The following PLCE1 variants were observed in gnomAD, a reference collection of about 807,000 sequenced individuals.
PLCE1 encodes the protein 1-phosphatidylinositol 4,5-bisphosphate phosphodiesterase epsilon-1.
A neutral mutation model predicts 242.8 loss-of-function variants in PLCE1; 119 were observed. That is an observed-to-expected ratio of 0.49 (90% CI 0.42 to 0.57). The LOEUF (loss-of-function observed/expected upper bound fraction) is 0.57, where lower values mean the gene tolerates loss of function less well. Ranked by LOEUF, PLCE1 falls within the 20% of genes least tolerant of loss-of-function variation. PLCE1 has a pLI of 0.00. For missense variants in PLCE1, 2,441 were observed against 2,788.8 expected (o/e 0.88, Z 2.81); for synonymous variants, 945 against 1,017.4 (o/e 0.93, Z 1.35).
At chr10:94,287,885 A>G (rs1008184456) in intron 22 of PLCE1, among the ~76,000 whole-genome samples, 2 of 151,712 alleles carry the variant, frequency 1.3e-5, no homozygotes, top group Non-Finnish European at 2.9e-5. Flanking sequence ...AGTGTTCTCA[A>G]CCTTGCCTGG....
chr10:94,187,733 G>A (rs561423121), intron 4 of PLCE1, among the ~76,000 whole-genome samples: 70 of 152,256 alleles, frequency 4.6e-4, no homozygotes, highest in Non-Finnish European at 9.0e-4. Context: ...CTGGCACATG[G>A]ACTTACAAGG....
At chr10:94,301,018 C>G (rs1387490230) in intron 24 of PLCE1, among the ~76,000 whole-genome samples, 1 of 151,724 alleles carries the variant, frequency 6.6e-6, no homozygotes, top group Non-Finnish European at 1.5e-5. Flanking sequence ...GCATTTCAGC[C>G]TGGGTGACAG....
intron 4 of PLCE1, among the ~76,000 whole-genome samples, chr10:94,179,530 T>TGTTTTTTTTTTTTTTTTTTGA (rs1554877547): frequency 8.4e-6 from 1 of 118,826 alleles, no homozygotes; most frequent in African/African-American, 3.2e-5. Context: ...TTTTTTTTTT[T>TGTTTTTTTTTTTTTTTTTTGA]GACAGGGTCT....
intron 11 of PLCE1, among the ~76,000 whole-genome samples, chr10:94,256,289 G>T (rs113868655): frequency 2.9e-5 from 4 of 136,576 alleles, no homozygotes; most frequent in Non-Finnish European, 6.1e-5. Flanking sequence ...ATGCCATTGC[G>T]CTCCAGCCTA....
chr10:94,309,305 T>C (rs1449735104), intron 27 of PLCE1, among the ~76,000 whole-genome samples: 1 of 151,752 alleles, frequency 6.6e-6, no homozygotes, highest in Non-Finnish European at 1.5e-5. Context: ...AGTGCCATAG[T>C]TGCAGAATCT....
At chr10:94,089,177 G>T in intron 2 of PLCE1, 1 of 1,613,992 alleles carries the variant, frequency 6.2e-7, no homozygotes. Flanking sequence ...TTCTGCAAAG[G>T]GATTAAGATT....
At chr10:94,254,392 T>A in intron 10 of PLCE1, 85 bp downstream of exon 10, 4 of 924,078 alleles carry the variant, frequency 4.3e-6, no homozygotes, top group Non-Finnish European at 5.4e-6. Flanking sequence ...AATTGTGATT[T>A]AAGCATTGCA....
At chr10:94,299,479 T>C (rs566626072) in intron 24 of PLCE1, among the ~76,000 whole-genome samples, 12 of 152,358 alleles carry the variant, frequency 7.9e-5, no homozygotes, top group African/African-American at 2.9e-4. Flanking sequence ...TAAAGCATTA[T>C]GTTTCCACTT....
At chr10:94,277,626 C>A (rs2052009881) in intron 19 of PLCE1, among the ~76,000 whole-genome samples, 1 of 152,188 alleles carries the variant, frequency 6.6e-6, no homozygotes, top group Non-Finnish European at 1.5e-5. Flanking sequence ...TCATCATTCC[C>A]AGCACTTGGC....
intron 29 of PLCE1, among the ~76,000 whole-genome samples, chr10:94,317,299 T>C (rs1279434959): frequency 6.6e-6 from 1 of 152,126 alleles, no homozygotes; most frequent in Admixed American, 6.6e-5. Flanking sequence ...AAATAAACTA[T>C]TCCATTTTAA....
At chr10:94,178,397 G>A (rs1013936276) in intron 4 of PLCE1, among the ~76,000 whole-genome samples, 3 of 152,108 alleles carry the variant, frequency 2.0e-5, no homozygotes, top group African/African-American at 7.2e-5. Context: ...ATGTGGCTCT[G>A]CCCTGGGTGT....
chr10:94,042,011 T>A (rs1463364245), intron 2 of PLCE1, among the ~76,000 whole-genome samples: 1 of 152,158 alleles, frequency 6.6e-6, no homozygotes, highest in African/African-American at 2.4e-5. Flanking sequence ...CATGTATTCA[T>A]TGCCTGCTGT....
In PLCE1 at chr10:94,252,502, G is replaced by C; in HGVS notation, c.3279+4G>C. On this transcript the variant is annotated splice_donor_region_variant and intron_variant, in intron 9 of 32. Transcript: ENST00000371380. ...AAAGAAGAAAATCCTCATGAGGGTA[G>C]AGTGTTATTTGTTTATTAAGCATTA... is the stretch of plus-strand genomic sequence containing the variant. 1.9e-6 allele frequency: 3 copies of C among 1,610,586 alleles called. No homozygotes were observed. The highest frequency in any genetic ancestry group is 2.5e-6 in the Non-Finnish European group (3 of 1,178,022).
intron 4 of PLCE1, among the ~76,000 whole-genome samples, chr10:94,213,951 C>T (rs144819439): frequency 6.6e-6 from 1 of 152,264 alleles, no homozygotes; most frequent in East Asian, 1.9e-4. Context: ...CACCACACTC[C>T]TTATGATACC....
At chr10:94,027,763 G>A (rs1290933027) in intron 1 of PLCE1, among the ~76,000 whole-genome samples, 2 of 152,130 alleles carry the variant, frequency 1.3e-5, no homozygotes, top group Non-Finnish European at 2.9e-5. Flanking sequence ...GGAGGTTGTA[G>A]TGAGCCAAGA....
chr10:93,994,446 A>G (rs748374552), intron 1 of PLCE1, among the ~76,000 whole-genome samples, 188 bp downstream of exon 1: 1 of 152,268 alleles, frequency 6.6e-6, no homozygotes, highest in Non-Finnish European at 1.5e-5. Context: ...CCGCCCTCGC[A>G]GGGGCTAAAG....
chr10:94,254,798 T>C, intron 10 of PLCE1, 95 bp from the exon 11 acceptor site: 2 of 1,374,324 alleles, frequency 1.5e-6, no homozygotes, highest in Non-Finnish European at 2.1e-6. Context: ...TAGGTTGATT[T>C]GCTCAGACAT....
chr10:94,035,674 C>T (rs1421625788), intron 2 of PLCE1, among the ~76,000 whole-genome samples: 1 of 151,982 alleles, frequency 6.6e-6, no homozygotes, highest in Non-Finnish European at 1.5e-5. Context: ...AAGGGGGGGC[C>T]CTTTCTGAAT....
At chr10:94,173,114 G>A (rs1475723917) in intron 4 of PLCE1, among the ~76,000 whole-genome samples, 2 of 152,200 alleles carry the variant, frequency 1.3e-5, no homozygotes, top group African/African-American at 4.8e-5. Context: ...ATGAGAAACT[G>A]AAGTATGTGG....
Sources: allele counts gnomAD v4.1 joint callset (sites outside exome capture counted in the v4.1 genomes callset), GRCh38; gene constraint gnomAD v4.1.1; transcripts MANE v1.5; gene names NCBI Gene and HGNC (gene_info 2026-07-23, HGNC 2026-07-21).